ALG9: variants seen among roughly 807,000 people sequenced by gnomAD.
ALG9 encodes ALG9 alpha-1,2-mannosyltransferase.
ALG9 carries 55 observed loss-of-function variants against 81.8 expected under a neutral mutation model. The observed-to-expected ratio is 0.67, with a 90% CI of 0.54 to 0.84. The LOEUF is 0.84. Among genes scored for constraint, ALG9 ranks in the 40% least tolerant of loss-of-function variants. The probability of loss-of-function intolerance (pLI) is 0.00; values close to 1 mark genes in which losing one functional copy is unlikely to be tolerated. For synonymous variants in ALG9, 278 were observed against 274.3 expected, an observed-to-expected ratio of 1.01 and a Z score of -0.13; for missense variants, 629 against 745.0, an observed-to-expected ratio of 0.84 and a Z score of 1.81.
the ALG9 span, among the ~76,000 whole-genome samples, chr11:111,772,846 C>CA: frequency 6.6e-6 from 1 of 152,108 alleles, no homozygotes; most frequent in African/African-American, 2.4e-5. Flanking sequence ...AGATTTTTTT[C>CA]ATCGGTAAAA....
At chr11:111,866,249 A>G (rs1235975073) in intron 3 of ALG9, among the ~76,000 whole-genome samples, 2 of 152,228 alleles carry the variant, frequency 1.3e-5, no homozygotes, top group African/African-American at 4.8e-5. Flanking sequence ...GTGAGCCGAG[A>G]TCGTGCCACT....
At chr11:111,828,630 T>C (rs1565909611) in intron 13 of ALG9, among the ~76,000 whole-genome samples, 1 of 152,172 alleles carries the variant, frequency 6.6e-6, no homozygotes, top group Non-Finnish European at 1.5e-5. Context: ...GATAGAACAC[T>C]TATCTTCCAA....
At chr11:111,788,300 T>C (rs1591778634) in intron 14 of ALG9, 1 of 404,122 alleles carries the variant, frequency 2.5e-6, no homozygotes, top group East Asian at 7.3e-5. Context: ...ACGCTGGCAG[T>C]GCCCTGTGCT....
At chr11:111,866,160 G>A (rs1342403448) in intron 3 of ALG9, among the ~76,000 whole-genome samples, 1 of 152,166 alleles carries the variant, frequency 6.6e-6, no homozygotes, top group Non-Finnish European at 1.5e-5. Flanking sequence ...AGCCAGGCAT[G>A]GTGGCGGGCA....
intron 6 of ALG9, 24 bp downstream of exon 6, chr11:111,857,578 G>A: frequency 6.2e-7 from 1 of 1,613,992 alleles, no homozygotes; most frequent in Non-Finnish European, 8.5e-7. Flanking sequence ...GCGATATATG[G>A]GAGGAGAACT....
At chr11:111,809,826 G>T in intron 13 of ALG9, 53 bp from the exon 14 acceptor site, 1 of 1,602,364 alleles carries the variant, frequency 6.2e-7, no homozygotes. Flanking sequence ...GTCCCTTCAG[G>T]GTAGAGAACA....
At chr11:111,799,539 T>G (rs1555078598) in intron 14 of ALG9, among the ~76,000 whole-genome samples, 1 of 151,660 alleles carries the variant, frequency 6.6e-6, no homozygotes, top group Non-Finnish European at 1.5e-5. Flanking sequence ...TGAGGCCCAA[T>G]CTAGGCCACA....
intron 13 of ALG9, among the ~76,000 whole-genome samples, chr11:111,829,455 A>G (rs1953951585): frequency 6.6e-6 from 1 of 152,240 alleles, no homozygotes; most frequent in African/African-American, 2.4e-5. Context: ...AGAAGAACAA[A>G]TAAGCACCTC....
intron 14 of ALG9, among the ~76,000 whole-genome samples, chr11:111,798,765 T>C (rs1403895853): frequency 6.6e-6 from 1 of 152,192 alleles, no homozygotes; most frequent in African/African-American, 2.4e-5. Context: ...GGAATGGAAG[T>C]TGCAGTTCTG....
chr11:111,776,231 A>G, the ALG9 span, among the ~76,000 whole-genome samples: 1 of 152,310 alleles, frequency 6.6e-6, no homozygotes, highest in East Asian at 1.9e-4. Context: ...AAAGTTTAAT[A>G]TGTTAGCTAT....
chr11:111,772,273 A>C, the ALG9 span, among the ~76,000 whole-genome samples: 1 of 152,174 alleles, frequency 6.6e-6, no homozygotes, highest in Non-Finnish European at 1.5e-5. Context: ...AAAAAATACA[A>C]AAATTAGCCG....
chr11:111,808,279 T>G (rs2136400993), intron 14 of ALG9, among the ~76,000 whole-genome samples: 1 of 152,230 alleles, frequency 6.6e-6, no homozygotes, highest in East Asian at 1.9e-4. Context: ...AACCGTCCCT[T>G]CCTTGCCAGT....
chr11:111,820,343 G>A (rs554174422), intron 13 of ALG9, among the ~76,000 whole-genome samples: 4 of 152,278 alleles, frequency 2.6e-5, no homozygotes, highest in South Asian at 4.1e-4. Flanking sequence ...TCAAGGTGCC[G>A]GCGCCTGGTA....
In ALG9 at chr11:111,786,508, C is replaced by G; in HGVS notation, c.1746G>C (p.Leu582=). 1 of 1,613,902 alleles carries G rather than the reference C, an allele frequency of 6.2e-7. No homozygotes were observed. The highest frequency in any genetic ancestry group is 8.5e-7 in the Non-Finnish European group (1 of 1,179,932). ...GGAAGGGGACATAGAATGCCCGCAG[C>G]AGCTTTGAAGATCTGAAAAACAAGG... ...PFLDASRSSK[L]LRAFYVPFLS... Residue 582 remains leucine, a synonymous_variant, in exon 15 of 15, where the codon CTG becomes CTC. Transcript: ENST00000616540.
At chr11:111,821,229 C>T (rs1952314986) in intron 13 of ALG9, among the ~76,000 whole-genome samples, 2 of 152,126 alleles carry the variant, frequency 1.3e-5, no homozygotes, top group African/African-American at 4.8e-5. Flanking sequence ...ATCAAGTGGG[C>T]TTTTCCCCTT....
downstream of ALG9, among the ~76,000 whole-genome samples, chr11:111,777,609 T>C (rs1945735973): frequency 6.6e-6 from 1 of 152,076 alleles, no homozygotes; most frequent in African/African-American, 2.4e-5. Context: ...GGTGCTGTTT[T>C]CTAGAATATT....
chr11:111,870,526 C>A (rs1280608165), intron 1 of ALG9, among the ~76,000 whole-genome samples, 156 bp from the exon 2 acceptor site: 3 of 151,572 alleles, frequency 2.0e-5, no homozygotes, highest in Non-Finnish European at 4.4e-5. Context: ...GTTGTTTTTT[C>A]TCAGTAAAAT....
chr11:111,797,541 T>C (rs1948481395), intron 14 of ALG9, among the ~76,000 whole-genome samples: 3 of 152,222 alleles, frequency 2.0e-5, no homozygotes, highest in Admixed American at 6.5e-5. Context: ...TAATCAACTA[T>C]TGTTGTTTTA....
intron 3 of ALG9, among the ~76,000 whole-genome samples, chr11:111,867,577 G>A (rs889033574): frequency 1.3e-5 from 2 of 152,112 alleles, no homozygotes; most frequent in East Asian, 3.8e-4. Flanking sequence ...CAATGGACGG[G>A]GTCAGCATTG....
Sources: gnomAD v4.1 joint callset for allele counts (sites outside exome capture counted in the v4.1 genomes callset) on GRCh38, gnomAD v4.1.1 for gene constraint, MANE v1.5 for transcripts, NCBI Gene and HGNC (gene_info 2026-07-23, HGNC 2026-07-21) for gene names.